The following MARCHF1 variants were observed in gnomAD, a reference collection of about 807,000 sequenced individuals.
MARCHF1 encodes the protein E3 ubiquitin-protein ligase MARCHF1.
A neutral mutation model predicts 54.2 loss-of-function variants in MARCHF1; 40 were observed. The ratio of observed to expected loss-of-function variants is 0.74; its 90% CI spans 0.57 to 0.96. The LOEUF (loss-of-function observed/expected upper bound fraction) is 0.96. Among genes scored for constraint, MARCHF1 ranks in the 40% least tolerant of loss-of-function variants. The pLI is 0.00. For synonymous variants in MARCHF1, 236 were observed against 236.3 expected (o/e 1.00, Z 0.01); for missense variants, 586 against 656.5 (o/e 0.89, Z 1.17).
chr4:163,528,840 T>G lies in MARCHF1; in HGVS notation c.1546A>C (p.Ile516Leu). 1 of 1,613,332 alleles carries G rather than the reference T, an allele frequency of 6.2e-7. No homozygotes were observed. Among genetic ancestry groups the G allele is most frequent in the Non-Finnish European group, 8.5e-7 (1 of 1,179,492 alleles). ...ACAGGCACTACCACAGCATCTTTGA[T>G]GTCTGTGTTTACATTACATGAGAAG... Reference protein sequence around the residue: ...KNFSCNVNTDIKDAVVVPVPQ... With the variant: ...KNFSCNVNTDLKDAVVVPVPQ... The change falls in exon 10 of 10, where the codon ATC becomes CTC. Residue 516 changes from isoleucine (I) to leucine (L), a missense_variant. Transcript: ENST00000514618.
chr4:163,898,335 A>G (rs747130431), intron 3 of MARCHF1, among the ~76,000 whole-genome samples: 3 of 152,280 alleles, frequency 2.0e-5, no homozygotes, highest in Non-Finnish European at 2.9e-5. Context: ...AACTCAAACA[A>G]CAAAAAAGCA....
chr4:163,762,534 T>C (rs1469797270), intron 4 of MARCHF1, among the ~76,000 whole-genome samples: 4 of 152,154 alleles, frequency 2.6e-5, no homozygotes, highest in Admixed American at 6.6e-5. Context: ...CAAAGAGTTA[T>C]GTATTTCAAA....
intron 4 of MARCHF1, among the ~76,000 whole-genome samples, chr4:163,720,570 C>T (rs1745417898): frequency 6.6e-6 from 1 of 152,130 alleles, no homozygotes; most frequent in Admixed American, 6.5e-5. Context: ...TGAAAAAAGT[C>T]ATTGGTAGCC....
At chr4:164,022,683 G>A (rs1312781165) in intron 2 of MARCHF1, among the ~76,000 whole-genome samples, 1 of 152,200 alleles carries the variant, frequency 6.6e-6, no homozygotes, top group Non-Finnish European at 1.5e-5. Context: ...GAGCAGCTGC[G>A]GCGGAGTGCG....
At chr4:163,732,591 TAAAGAG>T (rs1745876363) in intron 4 of MARCHF1, among the ~76,000 whole-genome samples, 2 of 152,108 alleles carry the variant, frequency 1.3e-5, no homozygotes, top group Admixed American at 6.5e-5. Flanking sequence ...AACCTAATAA[TAAAGAG>T]AAAATGTTTA....
chr4:164,163,127 C>T (rs1314804223), intron 1 of MARCHF1, among the ~76,000 whole-genome samples: 2 of 151,780 alleles, frequency 1.3e-5, no homozygotes, highest in African/African-American at 4.8e-5. Context: ...GTAAAGAATG[C>T]ACTTCAGGCA....
chr4:164,063,474 G>T (rs1754663504), intron 2 of MARCHF1, among the ~76,000 whole-genome samples: 1 of 152,120 alleles, frequency 6.6e-6, no homozygotes, highest in Admixed American at 6.5e-5. Context: ...AAATACCATG[G>T]CTCAACCTCT....
At position 163,545,606 on chromosome 4, in the gene MARCHF1, G is replaced by A. The variant is rs1307638732; in HGVS notation, c.1329C>T (p.Gly443=). Residue 443 remains glycine, a synonymous_variant, in exon 9 of 10, where the codon GGC becomes GGT. Coordinates refer to ENST00000514618, the MANE Select transcript of MARCHF1 (RefSeq NM_001394959.1). ...AAGATGTGCTCTTACCATTGTCATT[G>A]CCTTGCTTGATTTCCTCCGCTGTCC... is the stretch of plus-strand genomic sequence containing the variant. ...IDRTAEEIKQ[G]NDNGVLEWPF... is the part of the protein sequence containing the mutation. 4 of 1,613,248 alleles carry A rather than the reference G, an allele frequency of 2.5e-6. No individual in the cohort carries two copies. Among genetic ancestry groups the A allele is most frequent in the African/African-American group, 1.3e-5 (1 of 74,900 alleles).
At chr4:164,130,806 C>G (rs926286899) in intron 1 of MARCHF1, among the ~76,000 whole-genome samples, 8 of 152,136 alleles carry the variant, frequency 5.3e-5, no homozygotes, top group African/African-American at 1.7e-4. Flanking sequence ...TTTTCCCCAG[C>G]ATAAATTAAT....
chr4:164,139,032 A>G (rs1045059102), intron 1 of MARCHF1, among the ~76,000 whole-genome samples: 6 of 152,226 alleles, frequency 3.9e-5, no homozygotes, highest in Non-Finnish European at 7.3e-5. Flanking sequence ...TGTAAAATGT[A>G]TATTAAAGCA....
intron 2 of MARCHF1, among the ~76,000 whole-genome samples, chr4:164,091,896 CTGTA>C (rs1755312246): frequency 8.0e-6 from 1 of 124,726 alleles, no homozygotes; most frequent in Non-Finnish European, 1.8e-5. Context: ...GTGTGTGTGT[CTGTA>C]TGTGTGTCTG....
chr4:164,082,649 G>C (rs1303289411), intron 2 of MARCHF1, among the ~76,000 whole-genome samples: 1 of 152,056 alleles, frequency 6.6e-6, no homozygotes, highest in South Asian at 2.1e-4. Context: ...TCAAGTAATT[G>C]GGCATCATAT....
intron 1 of MARCHF1, chr4:164,197,098 T>A (rs1236466958): frequency 6.2e-7 from 1 of 1,606,582 alleles, no homozygotes. Context: ...TTCTTCATCC[T>A]CCTCGTCCCC....
At chr4:164,261,451 T>C (rs566309181) in intron 1 of MARCHF1, among the ~76,000 whole-genome samples, 2 of 152,284 alleles carry the variant, frequency 1.3e-5, no homozygotes, top group East Asian at 1.9e-4. Flanking sequence ...TTAAAAAAAT[T>C]ATGGTAACTC....
intron 5 of MARCHF1, among the ~76,000 whole-genome samples, chr4:163,636,138 A>G (rs1224019549): frequency 6.6e-6 from 1 of 152,224 alleles, no homozygotes; most frequent in Non-Finnish European, 1.5e-5. Flanking sequence ...AGCCAATATC[A>G]TACTGAATGG....
At chr4:164,076,675 A>C (rs1179851713) in intron 2 of MARCHF1, among the ~76,000 whole-genome samples, 1 of 152,228 alleles carries the variant, frequency 6.6e-6, no homozygotes, top group Non-Finnish European at 1.5e-5. Flanking sequence ...TCTGATAAGA[A>C]ACTTCAGCCA....
At position 163,737,182 on chromosome 4, in the gene MARCHF1, T is replaced by C. The variant is rs1386979700; in HGVS notation, c.112-36319A>G. Among the ~76,000 whole-genome samples the C allele has an allele frequency of 3.0e-4, 22 of 72,150 alleles. 2 individuals are homozygous for C. Among genetic ancestry groups the C allele is most frequent in the East Asian group, 1.2e-3 (6 of 4,874 alleles). The allele number at this position is 72,150 out of a possible 152,430, so 47.3% of individuals were successfully genotyped here. A position where few individuals can be genotyped will look rare whatever the true frequency, so the allele number is the denominator to read the frequency against. On this transcript the variant is annotated intron_variant, in intron 4 of 9. Transcript: ENST00000514618. ...TTTCTTTCTTTTTTTTTTTTTTTTT[T>C]CACATATTAGTTTATTTATTTATTT...
At chr4:163,970,655 G>T (rs1313970242) in intron 3 of MARCHF1, among the ~76,000 whole-genome samples, 1 of 152,008 alleles carries the variant, frequency 6.6e-6, no homozygotes, top group Admixed American at 6.6e-5. Flanking sequence ...TAACATTTTG[G>T]GTCATATTGG....
intron 1 of MARCHF1, among the ~76,000 whole-genome samples, chr4:164,350,910 C>A (rs867636381): frequency 1.3e-5 from 2 of 151,982 alleles, no homozygotes; most frequent in Non-Finnish European, 2.9e-5. Context: ...GTGCGTGCAC[C>A]GGGCGCGAGC....
Sources: gnomAD v4.1 joint callset for allele counts (sites outside exome capture counted in the v4.1 genomes callset) on GRCh38, gnomAD v4.1.1 for gene constraint, MANE v1.5 for transcripts, NCBI Gene and HGNC (gene_info 2026-07-23, HGNC 2026-07-21) for gene names.